AUTS2: variants seen among roughly 807,000 people sequenced by gnomAD.
AUTS2 encodes the protein autism susceptibility gene 2 protein.
AUTS2 carries 17 observed loss-of-function variants against 112.4 expected under a neutral mutation model. The ratio of observed to expected loss-of-function variants is 0.15; its 90% confidence interval spans 0.10 to 0.23. The LOEUF is 0.23. AUTS2 is among the 10% of genes least tolerant of loss of function. AUTS2 has a pLI of 1.00. For synonymous variants in AUTS2, 751 were observed against 702.7 expected, an observed-to-expected ratio of 1.07 and a Z score of -1.09; for missense variants, 1,510 against 1,701.6, an observed-to-expected ratio of 0.89 and a Z score of 1.98.
chr7:70,058,803 C>G (rs962601415), intron 2 of AUTS2, among the ~76,000 whole-genome samples: 14 of 151,990 alleles, frequency 9.2e-5, no homozygotes, highest in African/African-American at 3.4e-4. Flanking sequence ...AAAAGTGTAT[C>G]CCGTTTTATG....
At chr7:69,768,109 T>C (rs1788507473) in intron 1 of AUTS2, among the ~76,000 whole-genome samples, 1 of 152,214 alleles carries the variant, frequency 6.6e-6, no homozygotes, top group Admixed American at 6.5e-5. Flanking sequence ...TCTGTGGCAA[T>C]TGTCTGGTAA....
chr7:69,753,809 T>G (rs1787839163), intron 1 of AUTS2, among the ~76,000 whole-genome samples: 1 of 152,228 alleles, frequency 6.6e-6, no homozygotes, highest in South Asian at 2.1e-4. Context: ...TGTAAGATAC[T>G]TGGGCTCCCA....
rs143373828 is a variant in AUTS2 at position 70,327,208 on chromosome 7, G to A, written c.661-108544G>A. On this transcript the variant is annotated intron_variant, in intron 4 of 18. Coordinates refer to ENST00000342771, the MANE Select transcript of AUTS2 (RefSeq NM_015570.4). ...GCTGGGATTACAGGTGTAAGCCACC[G>A]CGCCCGGCCGCTCAGTTCTTACATA... Among the ~76,000 whole-genome samples the A allele has an allele frequency of 5.2e-3, 797 of 152,212 alleles. 9 individuals are homozygous for A. Among genetic ancestry groups the A allele is most frequent in the African/African-American group, 0.018 (757 of 41,530 alleles).
chr7:70,713,922 G>A (rs931691586), intron 6 of AUTS2, among the ~76,000 whole-genome samples: 11 of 151,862 alleles, frequency 7.2e-5, no homozygotes, highest in East Asian at 1.9e-4. Context: ...TACAGCTTGC[G>A]GGGCCCCACC....
At chr7:69,668,994 G>A (rs1270208565) in intron 1 of AUTS2, among the ~76,000 whole-genome samples, 1 of 152,090 alleles carries the variant, frequency 6.6e-6, no homozygotes, top group Non-Finnish European at 1.5e-5. Flanking sequence ...ACCATTGAGA[G>A]ACACACAAGG....
At chr7:69,846,737 C>T (rs572925121) in intron 1 of AUTS2, among the ~76,000 whole-genome samples, 26 of 152,240 alleles carry the variant, frequency 1.7e-4, no homozygotes, top group Admixed American at 7.8e-4. Flanking sequence ...CCATGTCCAG[C>T]TAATTTTTGT....
intron 1 of AUTS2, among the ~76,000 whole-genome samples, chr7:69,673,294 T>C (rs1032773133): frequency 9.9e-5 from 15 of 152,284 alleles, no homozygotes; most frequent in Middle Eastern, 6.8e-3. Context: ...CTGGTACTTT[T>C]AGTAAGTAAA....
At chr7:70,046,375 A>G (rs1801504296) in intron 2 of AUTS2, among the ~76,000 whole-genome samples, 2 of 152,226 alleles carry the variant, frequency 1.3e-5, no homozygotes, top group African/African-American at 4.8e-5. Context: ...AACAAAGTGT[A>G]TAAAGCACAT....
At chr7:69,842,381 G>C (rs977269012) in intron 1 of AUTS2, among the ~76,000 whole-genome samples, 1 of 152,164 alleles carries the variant, frequency 6.6e-6, no homozygotes, top group Non-Finnish European at 1.5e-5. Flanking sequence ...TTAGGACATT[G>C]TGTGTTGACG....
chr7:70,528,809 A>C (rs935363823), intron 5 of AUTS2, among the ~76,000 whole-genome samples: 1 of 109,790 alleles, frequency 9.1e-6, no homozygotes. Context: ...TCTCATCTTA[A>C]AAAAAAAAAA....
chr7:69,719,047 G>C (rs938648719), intron 1 of AUTS2, among the ~76,000 whole-genome samples: 4 of 152,178 alleles, frequency 2.6e-5, no homozygotes, highest in Admixed American at 6.6e-5. Flanking sequence ...CAAAATGGCT[G>C]TCCCACCTTT....
chr7:69,736,063 A>T (rs1304340205), intron 1 of AUTS2, among the ~76,000 whole-genome samples: 2 of 152,146 alleles, frequency 1.3e-5, no homozygotes, highest in South Asian at 4.2e-4. Flanking sequence ...ATTAGTGGGC[A>T]CTCAGTGAAT....
At chr7:70,555,136 C>G (rs1467785373) in intron 5 of AUTS2, among the ~76,000 whole-genome samples, 1 of 152,100 alleles carries the variant, frequency 6.6e-6, no homozygotes, top group Non-Finnish European at 1.5e-5. Flanking sequence ...CTGGAAAGAA[C>G]AGTGGAGACA....
chr7:70,738,100 G>T (rs774399234), intron 6 of AUTS2, among the ~76,000 whole-genome samples: 4 of 152,134 alleles, frequency 2.6e-5, no homozygotes, highest in Non-Finnish European at 5.9e-5. Context: ...GTCTCACAGT[G>T]CAGTTAGGAG....
chr7:70,766,554 T>A lies in AUTS2; in HGVS notation c.1689+220T>A, dbSNP rs954072193. Among the ~76,000 whole-genome samples, 1 of 152,204 alleles carries A rather than the reference T, an allele frequency of 6.6e-6. No homozygotes were observed. Among genetic ancestry groups the A allele is most frequent in the African/African-American group, 2.4e-5 (1 of 41,456 alleles). ...CTTTCTAGGCAGTTGTATCCAGCAC[T>A]GCGGGCGGAAATGATTCCATCTGCC... On this transcript the variant is annotated intron_variant, in intron 9 of 18. Coordinates refer to ENST00000342771, the MANE Select transcript of AUTS2 (RefSeq NM_015570.4). This position sits in a 1 kb window ranked among gnomAD's most constrained non-coding sequence, Gnocchi z 4.8.
chr7:70,373,403 G>A (rs140660635), intron 4 of AUTS2, among the ~76,000 whole-genome samples: 14 of 152,258 alleles, frequency 9.2e-5, no homozygotes, highest in African/African-American at 1.7e-4. Flanking sequence ...AAACCTCTGC[G>A]ATGTGAATAT....
chr7:70,325,187 T>C (rs1790429630), intron 4 of AUTS2, among the ~76,000 whole-genome samples: 1 of 151,962 alleles, frequency 6.6e-6, no homozygotes, highest in Non-Finnish European at 1.5e-5. Flanking sequence ...TTACAGGCAT[T>C]GTGGCTCACA....
At chr7:70,049,074 G>A (rs1378260072) in intron 2 of AUTS2, among the ~76,000 whole-genome samples, 14 of 152,116 alleles carry the variant, frequency 9.2e-5, no homozygotes, top group Non-Finnish European at 2.9e-5. Flanking sequence ...GGGACTATAG[G>A]TACACACCAC....
chr7:70,307,851 G>T (rs1054613858), intron 4 of AUTS2, among the ~76,000 whole-genome samples: 2 of 151,598 alleles, frequency 1.3e-5, no homozygotes, highest in African/African-American at 2.4e-5. Flanking sequence ...ATTTTGAGGG[G>T]AGTTACCAAC....
Sources: allele counts gnomAD v4.1 joint callset (sites outside exome capture counted in the v4.1 genomes callset), GRCh38; gene constraint gnomAD v4.1.1; non-coding constraint Gnocchi (gnomAD v3.1); transcripts MANE v1.5; gene names NCBI Gene and HGNC (gene_info 2026-07-23, HGNC 2026-07-21).